ACP2: variants seen among roughly 807,000 people sequenced by gnomAD.
The protein encoded by ACP2 is acid phosphatase 2, lysosomal.
ACP2 carries 35 observed loss-of-function variants against 54.7 expected under a neutral mutation model. The observed-to-expected ratio is 0.64, with a 90% confidence interval of 0.49 to 0.85. ACP2 has a LOEUF of 0.85. ACP2 is among the 40% of genes least tolerant of loss of function. The pLI is 0.00. For missense variants in ACP2, 492 were observed against 565.0 expected, an observed-to-expected ratio of 0.87 and a Z score of 1.31; for synonymous variants, 210 against 224.4, an observed-to-expected ratio of 0.94 and a Z score of 0.57.
intron 10 of ACP2, among the ~76,000 whole-genome samples, chr11:47,241,482 A>C (rs1399533847): frequency 1.3e-5 from 2 of 152,202 alleles, no homozygotes; most frequent in Non-Finnish European, 2.9e-5. Flanking sequence ...GCGCCACTGC[A>C]CTCCAGCCTG....
rs767481773 is a variant in ACP2, at chr11:47,245,463, C to G, written c.549+11G>C. 10 of 1,614,104 alleles carry G rather than the reference C, an allele frequency of 6.2e-6. No individual in the cohort carries two copies. In the Admixed American group the frequency reaches 1.5e-4, roughly 24 times the overall value. On this transcript the variant is annotated intron_variant, in intron 5 of 10. Transcript: ENST00000672073. Reference sequence around the variant, plus strand: ...GACAGCGTGGTGAGCTGCACCTCTGCCCCCACTCACTGCATTCCGAGAACT... The same window carrying G: ...GACAGCGTGGTGAGCTGCACCTCTGGCCCCACTCACTGCATTCCGAGAACT...
In ACP2 at chr11:47,242,838, G is replaced by A; in HGVS notation, c.1023C>T (p.Ser341=). The change falls in exon 10 of 11, where the codon AGC becomes AGT. Residue 341 remains serine, a synonymous_variant. Coordinates refer to ENST00000672073, the MANE Select transcript of ACP2 (RefSeq NM_001610.4). The part of the protein sequence containing the change: ...NESDKAPWPL[S]LPGCPHRCPL... ...GGCAGCGGTGAGGGCAGCCAGGCAG[G>A]CTGAGCGGCCAGGGGGCCTTGTCAC... 1 of 1,614,124 alleles carries A rather than the reference G, an allele frequency of 6.2e-7. No homozygotes were observed. Among genetic ancestry groups the A allele is most frequent in the Non-Finnish European group, 8.5e-7 (1 of 1,179,944 alleles).
chr11:47,248,134 C>T lies in ACP2; in HGVS notation c.115-1G>A. The T allele has an allele frequency of 6.3e-7, 1 of 1,596,922 alleles. No homozygotes were observed. The highest frequency in any genetic ancestry group is 8.5e-7 in the Non-Finnish European group (1 of 1,174,306). ...GTGAACGGTCTCCATGGCGGTACAG[C>T]TGAGAGAATAAAATGGTTTGCCTAT... is the stretch of plus-strand genomic sequence containing the variant. On this transcript the variant is annotated splice_acceptor_variant, in intron 1 of 10. Transcript: ENST00000672073. LOFTEE classifies it high-confidence loss of function.
intron 10 of ACP2, 27 bp downstream of exon 10, chr11:47,242,696 C>T: frequency 6.3e-7 from 1 of 1,598,376 alleles, no homozygotes. Flanking sequence ...TAGGGCATGA[C>T]TAGCAAGGAG....
At chr11:47,248,603 TC>T in intron 1 of ACP2, 72 bp downstream of exon 1, 1 of 1,555,930 alleles carries the variant, frequency 6.4e-7, no homozygotes, top group Non-Finnish European at 8.7e-7. Flanking sequence ...CTTCCCGAGA[TC>T]CTCGACCTCC....
chr11:47,246,279 A>C (rs955644239), intron 3 of ACP2, among the ~76,000 whole-genome samples: 2 of 152,188 alleles, frequency 1.3e-5, no homozygotes, highest in African/African-American at 2.4e-5. Context: ...CCAGGGAGAA[A>C]AAAATAAGAT....
At position 47,245,403 on chromosome 11, in the gene ACP2, A is replaced by G. The variant is rs745572250; in HGVS notation, c.550-9T>C. ...ACCATGTCCAGAAATTGCTATGAAA[A>G]ATGGATCAGGGTCTCAGTCCTGCTC... is the stretch of plus-strand genomic sequence containing the variant. On this transcript the variant is annotated splice_polypyrimidine_tract_variant and intron_variant, in intron 5 of 10. Transcript: ENST00000672073. 1.9e-6 allele frequency: 3 copies of G among 1,614,024 alleles called. No individual in the cohort carries two copies. The highest frequency in any genetic ancestry group is 2.5e-6 in the Non-Finnish European group (3 of 1,180,024).
intron 6 of ACP2, 186 bp from the exon 7 acceptor site, chr11:47,245,053 G>A: frequency 8.5e-7 from 1 of 1,179,162 alleles, no homozygotes; most frequent in East Asian, 2.6e-5. Flanking sequence ...AGGAAGCTCA[G>A]GCACAAAAAG....
rs1298177585 is a variant in ACP2 at position 47,245,536 on chromosome 11, C to T, written c.487G>A (p.Glu163Lys). 6.2e-7 allele frequency: 1 copy of T among 1,614,214 alleles called. No homozygotes were observed. Among genetic ancestry groups the T allele is most frequent in the South Asian group, 1.1e-5 (1 of 91,078 alleles). Residue 163 changes from glutamate to lysine, a missense_variant, in exon 5 of 11, where the codon GAG becomes AAG. Physicochemically the swap from Glu to Lys is moderately conservative, Grantham distance 56 (BLOSUM62 1). Transcript: ENST00000672073. Reference sequence around the variant, plus strand: ...TGCCGGGTCTCGTTCTGCAGCTGCTCATAACGGGGACATGGGCCCAACGGG... The same window carrying T: ...TGCCGGGTCTCGTTCTGCAGCTGCTTATAACGGGGACATGGGCCCAACGGG... Reference protein sequence around the residue: ...KFPLGPCPRYEQLQNETRQTP... With the variant: ...KFPLGPCPRYKQLQNETRQTP...
intron 2 of ACP2, 76 bp downstream of exon 2, chr11:47,247,962 C>T (rs1954264239): frequency 7.7e-7 from 1 of 1,303,874 alleles, no homozygotes; most frequent in Admixed American, 2.3e-5. Flanking sequence ...TTTAGTAGGA[C>T]CCCAAGTTTT....
In ACP2 at chr11:47,244,887, G is replaced by A. The variant is rs1954007202; in HGVS notation, c.640-20C>T. On this transcript the variant is annotated intron_variant, in intron 6 of 10. Transcript: ENST00000672073. The stretch of plus-strand genomic sequence containing the variant: ...CGTTTGCTGTGTATCGCAGCAGGCA[G>A]GTTAGCGCCCCAGGCCTAGGCCAGC... 6.3e-7 allele frequency: 1 copy of A among 1,586,742 alleles called. No homozygotes were observed. The highest frequency in any genetic ancestry group is 8.6e-7 in the Non-Finnish European group (1 of 1,163,896).
At position 47,245,496 on chromosome 11, in the gene ACP2, T is replaced by C; in HGVS notation, c.527A>G (p.Gln176Arg). The C allele has an allele frequency of 6.2e-7, 1 of 1,614,232 alleles. No homozygotes were observed. Among genetic ancestry groups the C allele is most frequent in the Non-Finnish European group, 8.5e-7 (1 of 1,180,018 alleles). Reference protein sequence around the residue: ...QNETRQTPEYQNESSRNAQFL... With the variant: ...QNETRQTPEYRNESSRNAQFL... ...CACTGCATTCCGAGAACTCTCATTC[T>C]GATACTCTGGTGTCTGCCGGGTCTC... Residue 176 changes from glutamine (Q) to arginine (R), a missense_variant, in exon 5 of 11, where the codon CAG (glutamine) becomes CGG (arginine). Physicochemically the swap from Gln to Arg is conservative, Grantham distance 43. Transcript: ENST00000672073.
rs561547978 is a variant in ACP2, at chr11:47,244,858, C to G, written c.649G>C (p.Gly217Arg). ...GAGGCCCAGGGCGGCAGGCGCAGCC[C>G]GTGCGTTTGCTGTGTATCGCAGCAG... is the stretch of plus-strand genomic sequence containing the variant. ...YDTLFCEQTH[G>R]LRLPPWASPQ... The change falls in exon 7 of 11, where the codon GGG (glycine) becomes CGG (arginine). Residue 217 changes from glycine (G) to arginine (R), a missense_variant. Physicochemically the swap from Gly to Arg is moderately radical, Grantham distance 125. Coordinates refer to ENST00000672073, the MANE Select transcript of ACP2 (RefSeq NM_001610.4). 2 of 1,606,808 alleles carry G rather than the reference C, an allele frequency of 1.2e-6. No homozygotes were observed. The highest frequency in any genetic ancestry group is 1.7e-6 in the Non-Finnish European group (2 of 1,175,196).
At chr11:47,245,856 T>TCGTGTGTGTGTGTGTG (rs1954052034) in intron 3 of ACP2, 22 bp from the exon 4 acceptor site, 1 of 1,317,974 alleles carries the variant, frequency 7.6e-7, no homozygotes, top group Non-Finnish European at 9.7e-7. Context: ...GCAACACAAG[T>TCGTGTGTGTGTGTGTG]CGTGTGTGTG....
At position 47,245,519 on chromosome 11, in the gene ACP2, C is replaced by G; in HGVS notation, c.504G>C (p.Glu168Asp). ...TCTGATACTCTGGTGTCTGCCGGGT[C>G]TCGTTCTGCAGCTGCTCATAACGGG... ...PCPRYEQLQN[E>D]TRQTPEYQNE... Residue 168 changes from glutamate (E) to aspartate (D), a missense_variant, in exon 5 of 11, where the codon GAG (glutamate) becomes GAC (aspartate). Transcript: ENST00000672073. The G allele has an allele frequency of 6.2e-7, 1 of 1,614,246 alleles. No individual in the cohort carries two copies. The highest frequency in any genetic ancestry group is 1.3e-5 in the African/African-American group (1 of 75,066).
intron 3 of ACP2, among the ~76,000 whole-genome samples, chr11:47,246,422 T>A (rs928436327): frequency 5.4e-4 from 81 of 149,624 alleles, no homozygotes; most frequent in Non-Finnish European, 1.0e-3. Context: ...CAAAAAAAAA[T>A]TTTTTAATTA....
rs770651359 is a variant in ACP2 at position 47,242,681 on chromosome 11, T to C, written c.1138+42A>G. The C allele has an allele frequency of 5.7e-6, 9 of 1,583,576 alleles. No individual in the cohort carries two copies. The East Asian group carries it at 2.0e-4, about 36-fold the overall frequency. On this transcript the variant is annotated intron_variant, in intron 10 of 10. Coordinates refer to ENST00000672073, the MANE Select transcript of ACP2 (RefSeq NM_001610.4). ...AGATGCGTGGATGTGAACTGCAGGC[T>C]GGTCTAGGGCATGACTAGCAAGGAG...
intron 6 of ACP2, 62 bp from the exon 7 acceptor site, chr11:47,244,929 T>C: frequency 6.6e-7 from 1 of 1,516,294 alleles, no homozygotes; most frequent in Non-Finnish European, 8.8e-7. Context: ...AGGGGGCAGC[T>C]CTCTTCCCTA....
In ACP2 at chr11:47,243,083, G is replaced by T. The variant is rs754721522; in HGVS notation, c.897C>A (p.Val299=). 1.9e-6 allele frequency: 3 copies of T among 1,614,252 alleles called. No homozygotes were observed. In the Admixed American group the frequency reaches 5.0e-5, roughly 27 times the overall value. ...TLVALQMALD[V]YNGEQAPYAS... is the part of the protein sequence containing the mutation. ...CGTAGGGGGCTTGTTCACCATTGTA[G>T]ACATCCAGTGCCATTTGCAGGGCAA... Residue 299 remains valine, a synonymous_variant, in exon 9 of 11, where the codon GTC becomes GTA. Transcript: ENST00000672073.
Sources: allele counts gnomAD v4.1 joint callset (sites outside exome capture counted in the v4.1 genomes callset), GRCh38; gene constraint gnomAD v4.1.1; transcripts MANE v1.5; gene names NCBI Gene and HGNC (gene_info 2026-07-23, HGNC 2026-07-21).